The following USP7 variants were observed in gnomAD, a reference collection of about 807,000 sequenced individuals.
USP7 encodes the protein ubiquitin specific peptidase 7.
USP7 carries 9 observed loss-of-function variants against 162.9 expected under a neutral mutation model. The observed-to-expected ratio is 0.06, with a 90% CI of 0.03 to 0.10. The LOEUF is 0.10. Ranked by LOEUF, USP7 falls within the 10% of genes least tolerant of loss-of-function variation. The probability of loss-of-function intolerance (pLI) is 1.00; values close to 1 mark genes in which losing one functional copy is unlikely to be tolerated. For synonymous variants in USP7, 562 were observed against 475.9 expected, an observed-to-expected ratio of 1.18 and a Z score of -2.35; for missense variants, 715 against 1,373.7, an observed-to-expected ratio of 0.52 and a Z score of 7.58.
At position 8,900,646 on chromosome 16, in the gene USP7, T is replaced by C. The variant is rs1596354177; in HGVS notation, c.2209-16A>G. The C allele has an allele frequency of 1.3e-6, 2 of 1,580,820 alleles. No homozygotes were observed. Among genetic ancestry groups the C allele is most frequent in the Admixed American group, 1.8e-5 (1 of 56,310 alleles). ...GTTTAACTTCCTACAGTGAAAGATA[T>C]AAAATTGTTACACTGCAAGTTTGTC... On this transcript the variant is annotated splice_polypyrimidine_tract_variant and intron_variant, in intron 20 of 30. Coordinates refer to ENST00000344836, the MANE Select transcript of USP7 (RefSeq NM_003470.3).
At chr16:8,934,050 G>A (rs1345597829) in intron 1 of USP7, among the ~76,000 whole-genome samples, 1 of 152,146 alleles carries the variant, frequency 6.6e-6, no homozygotes, top group African/African-American at 2.4e-5. Flanking sequence ...GAAACACCAC[G>A]CCTGGCCTAT....
chr16:8,913,736 C>G (rs1223096210), intron 10 of USP7, among the ~76,000 whole-genome samples: 1 of 152,038 alleles, frequency 6.6e-6, no homozygotes, highest in Non-Finnish European at 1.5e-5. Context: ...AGCACTTCCC[C>G]TCCTCACTCT....
At chr16:8,908,307 T>C in intron 12 of USP7, 34 bp downstream of exon 12, 1 of 1,550,748 alleles carries the variant, frequency 6.4e-7, no homozygotes. Context: ...AGCATGATGA[T>C]GAAATCTTAA....
intron 10 of USP7, among the ~76,000 whole-genome samples, chr16:8,913,391 A>G (rs918150181): frequency 2.6e-5 from 4 of 151,980 alleles, no homozygotes; most frequent in Non-Finnish European, 5.9e-5. Context: ...AGGAGAGAAG[A>G]GAAGTGAAGT....
chr16:8,894,706 A>T, intron 29 of USP7, 66 bp from the exon 30 acceptor site: 1 of 1,612,368 alleles, frequency 6.2e-7, no homozygotes, highest in Admixed American at 1.7e-5. Flanking sequence ...CATCTCTGGC[A>T]AAAAAGCCTA....
intron 1 of USP7, among the ~76,000 whole-genome samples, chr16:8,954,643 C>T (rs571232209): frequency 3.9e-5 from 6 of 152,256 alleles, no homozygotes; most frequent in Admixed American, 3.3e-4. Context: ...TAACTAAATA[C>T]GAAGGTATGT....
chr16:8,902,335 G>A (rs768477107), intron 17 of USP7, 46 bp downstream of exon 17: 10 of 1,600,496 alleles, frequency 6.2e-6, no homozygotes, highest in African/African-American at 5.4e-5. Context: ...GAGGACTAAC[G>A]CCTTCTGCAC....
At chr16:8,897,727 ATAT>A (rs796959815) in intron 25 of USP7, among the ~76,000 whole-genome samples, 17 of 6,844 alleles carry the variant, frequency 2.5e-3, no homozygotes, top group African/African-American at 5.5e-3. Flanking sequence ...AAAAAAAAAA[ATAT>A]ATATATATAT....
At chr16:8,902,807 GA>G (rs1486747729) in intron 16 of USP7, among the ~76,000 whole-genome samples, 2 of 152,038 alleles carry the variant, frequency 1.3e-5, no homozygotes, top group Non-Finnish European at 2.9e-5. Context: ...AGAATTGCTT[GA>G]AACCAAAAGG....
intron 1 of USP7, among the ~76,000 whole-genome samples, chr16:8,944,515 CAT>C (rs778526450): frequency 6.6e-6 from 1 of 152,196 alleles, no homozygotes; most frequent in Non-Finnish European, 1.5e-5. Flanking sequence ...GATTTTTATA[CAT>C]ACTCTTGGTT....
At position 8,898,438 on chromosome 16, in the gene USP7, CTATTAAG is replaced by C. The variant is rs2061722148; in HGVS notation, c.2641-8_2641-2del. The C allele has an allele frequency of 6.2e-7, 1 of 1,612,306 alleles. No homozygotes were observed. ...CAAAGTCTGTGATTTTCATCTTAAGCTATTAAGAAAAGAAAGATTCACATCAGATACC... is the reference window on the plus strand; with the variant it reads ...CAAAGTCTGTGATTTTCATCTTAAGCAAAAGAAAGATTCACATCAGATACC... On this transcript the variant is annotated splice_acceptor_variant and splice_polypyrimidine_tract_variant and intron_variant, in intron 24 of 30. Coordinates refer to ENST00000344836, the MANE Select transcript of USP7 (RefSeq NM_003470.3). LOFTEE classifies it high-confidence loss of function.
In USP7 at chr16:8,908,412, T is replaced by C. The variant is rs113122381; in HGVS notation, c.1200A>G (p.Pro400=). 2 of 1,612,812 alleles carry C rather than the reference T, an allele frequency of 1.2e-6. No individual in the cohort carries two copies. Among genetic ancestry groups the C allele is most frequent in the Non-Finnish European group, 1.7e-6 (2 of 1,179,676 alleles). The change falls in exon 12 of 31, where the codon CCA becomes CCG. Residue 400 remains proline (P), a synonymous_variant. Transcript: ENST00000344836. The part of the protein sequence containing the change: ...EKGVKFLTLP[P]VLHLQLMRFM... ...ATCTCATCAGTTGTAGATGTAACAC[T>C]GGTGGCAATGTTAGGAATTTCACAC... is the stretch of plus-strand genomic sequence containing the variant.
chr16:8,937,051 G>A (rs1233832720), intron 1 of USP7, among the ~76,000 whole-genome samples: 3 of 152,114 alleles, frequency 2.0e-5, no homozygotes, highest in Non-Finnish European at 4.4e-5. Context: ...TTTTAAAAAG[G>A]CAAAGTACAA....
intron 6 of USP7, among the ~76,000 whole-genome samples, chr16:8,918,235 G>A (rs530845104): frequency 2.6e-5 from 4 of 152,286 alleles, no homozygotes; most frequent in Admixed American, 6.5e-5. Context: ...ATGCCTTGAA[G>A]GATGACAAGC....
intron 2 of USP7, among the ~76,000 whole-genome samples, chr16:8,927,113 T>C (rs1040594831): frequency 6.6e-6 from 1 of 151,188 alleles, no homozygotes; most frequent in East Asian, 2.0e-4. Context: ...AGGTCAGGAG[T>C]GCGAGACCAG....
intron 1 of USP7, among the ~76,000 whole-genome samples, chr16:8,932,634 A>T (rs1898430819): frequency 6.6e-6 from 1 of 152,166 alleles, no homozygotes; most frequent in South Asian, 2.1e-4. Context: ...AAAGAAAAGA[A>T]AAATCAGGTA....
At chr16:8,934,823 G>T (rs1039169345) in intron 1 of USP7, among the ~76,000 whole-genome samples, 3 of 152,162 alleles carry the variant, frequency 2.0e-5, no homozygotes, top group Non-Finnish European at 4.4e-5. Context: ...CAGCCCTATG[G>T]GTGTCCAAGC....
chr16:8,952,703 G>T (rs1055571836), intron 1 of USP7, among the ~76,000 whole-genome samples: 1 of 152,160 alleles, frequency 6.6e-6, no homozygotes, highest in African/African-American at 2.4e-5. Context: ...AGGTTTCAGC[G>T]ATTAGGACAT....
At chr16:8,917,186 C>T (rs769315876) in intron 6 of USP7, 30 bp from the exon 7 acceptor site, 2 of 1,571,868 alleles carry the variant, frequency 1.3e-6, no homozygotes, top group Non-Finnish European at 8.6e-7. Flanking sequence ...AGAATTTTTA[C>T]TCTGAGAAGA....
Sources: allele counts gnomAD v4.1 joint callset (sites outside exome capture counted in the v4.1 genomes callset), GRCh38; gene constraint gnomAD v4.1.1; transcripts MANE v1.5; gene names NCBI Gene and HGNC (gene_info 2026-07-23, HGNC 2026-07-21).